Variants in GABBR1 observed in about 807,000 individuals in gnomAD.
The protein encoded by GABBR1 is GABA-B receptor, R1 subunit.
Under a neutral mutation model 117.7 loss-of-function variants are expected in GABBR1, and 35 were observed. The observed-to-expected ratio is 0.30, with a 90% CI of 0.23 to 0.39. The LOEUF is 0.39. Ranked by LOEUF, GABBR1 falls within the 10% of genes least tolerant of loss-of-function variation. The probability of loss-of-function intolerance (pLI) is 1.00; values close to 1 mark genes in which losing one functional copy is unlikely to be tolerated. For missense variants in GABBR1, 709 were observed against 1,241.8 expected, an observed-to-expected ratio of 0.57 and a Z score of 6.45; for synonymous variants, 442 against 486.6, an observed-to-expected ratio of 0.91 and a Z score of 1.21.
chr6:29,613,587 G>T lies in GABBR1; in HGVS notation c.1324-102C>A. On this transcript the variant is annotated intron_variant, in intron 11 of 22. Transcript: ENST00000377034. This position sits in a 1 kb window ranked among gnomAD's most constrained non-coding sequence, Gnocchi z 4.1. Reference sequence around the variant, plus strand: ...TCAATCACTTCTACTTGAATGGATGGTTTGTGTTACTGTTGTCAGATTGGA... The same window carrying T: ...TCAATCACTTCTACTTGAATGGATGTTTTGTGTTACTGTTGTCAGATTGGA... 7.2e-7 allele frequency: 1 copy of T among 1,397,036 alleles called. No individual in the cohort carries two copies. Among genetic ancestry groups the T allele is most frequent in the Non-Finnish European group, 9.8e-7 (1 of 1,017,548 alleles). 86.5% of individuals were successfully genotyped at this position (1,397,036 alleles called of 1,614,324 possible).
intron 6 of GABBR1, among the ~76,000 whole-genome samples, chr6:29,624,716 C>T (rs2127438083): frequency 6.6e-6 from 1 of 152,034 alleles, no homozygotes; most frequent in South Asian, 2.1e-4. Flanking sequence ...TCTCAAGAAA[C>T]CAGACAATTT....
rs1339238636 is a variant in GABBR1, at chr6:29,621,746, C to T, written c.1131+6G>A. On this transcript the variant is annotated splice_donor_region_variant and intron_variant, in intron 10 of 22. Coordinates refer to ENST00000377034, the MANE Select transcript of GABBR1 (RefSeq NM_001470.4). This position sits in a 1 kb window ranked among gnomAD's most constrained non-coding sequence, Gnocchi z 5.0. ...AGTGCCCCTCCCTCTTCAGATCCAA[C>T]TCCACCTCACAAAAAACTTTCCGGG... 6.2e-7 allele frequency: 1 copy of T among 1,613,320 alleles called. No homozygotes were observed. Among genetic ancestry groups the T allele is most frequent in the Non-Finnish European group, 8.5e-7 (1 of 1,179,372 alleles).
Position 29,604,640 on chromosome 6 carries a change from G to A in GABBR1, c.2569-3C>T. 6.2e-7 allele frequency: 1 copy of A among 1,613,220 alleles called. No homozygotes were observed. Among genetic ancestry groups the A allele is most frequent in the Non-Finnish European group, 8.5e-7 (1 of 1,180,036 alleles). On this transcript the variant is annotated splice_polypyrimidine_tract_variant and splice_region_variant and intron_variant, in intron 21 of 22. Coordinates refer to ENST00000377034, the MANE Select transcript of GABBR1 (RefSeq NM_001470.4). The surrounding 1 kb of genome is among the most constrained non-coding windows in gnomAD (Gnocchi z 5.3). ...CCTCGGGTGATCAGCCTGCGCATCTGGGGGCAAATGTTTGGGCGTGGGGTG... is the reference window on the plus strand; with the variant it reads ...CCTCGGGTGATCAGCCTGCGCATCTAGGGGCAAATGTTTGGGCGTGGGGTG...
chr6:29,608,721 G>A lies in GABBR1; in HGVS notation c.1872C>T (p.Asn624=), dbSNP rs1762218193. Residue 624 remains asparagine (N), a synonymous_variant, in exon 16 of 23, where the codon AAC becomes AAT. Coordinates refer to ENST00000377034, the MANE Select transcript of GABBR1 (RefSeq NM_001470.4). ...TCAGGTTGTTCAGGTTGGGCTGTGAGTTCTGGATATAACTAGGGCAGAGGT... is the reference window on the plus strand; with the variant it reads ...TCAGGTTGTTCAGGTTGGGCTGTGAATTCTGGATATAACTAGGGCAGAGGT... The part of the protein sequence containing the change: ...IYNSHVRYIQ[N]SQPNLNNLTA... 6.2e-7 allele frequency: 1 copy of A among 1,613,044 alleles called. No homozygotes were observed. Among genetic ancestry groups the A allele is most frequent in the Non-Finnish European group, 8.5e-7 (1 of 1,180,010 alleles).
At chr6:29,612,508 A>C in intron 13 of GABBR1, 43 bp downstream of exon 13, 1 of 1,570,308 alleles carries the variant, frequency 6.4e-7, no homozygotes, top group Non-Finnish European at 8.8e-7. Context: ...GCCCAGCCCC[A>C]GCCTAGCCCC....
rs147560335 is a variant in GABBR1 at position 29,603,587 on chromosome 6, G to T, written c.2842C>A (p.Arg948=). The T allele has an allele frequency of 2.1e-5, 34 of 1,591,630 alleles. No homozygotes were observed. Among genetic ancestry groups the T allele is most frequent in the Middle Eastern group, 1.7e-4 (1 of 5,980 alleles). Residue 948 remains arginine (R), a synonymous_variant, in exon 23 of 23, where the codon CGG becomes AGG. Coordinates refer to ENST00000377034, the MANE Select transcript of GABBR1 (RefSeq NM_001470.4). ...LPRGPPEPPD[R]LSCDGSRVHL... Reference sequence around the variant, plus strand: ...ACTCGACTCCCATCACAGCTAAGCCGGTCGGGGGGCTCAGGGGGTCCCCTG... The same window carrying T: ...ACTCGACTCCCATCACAGCTAAGCCTGTCGGGGGGCTCAGGGGGTCCCCTG...
intron 11 of GABBR1, among the ~76,000 whole-genome samples, chr6:29,614,781 A>G (rs1164546464): frequency 2.6e-5 from 4 of 152,198 alleles, no homozygotes; most frequent in African/African-American, 7.2e-5. Context: ...CCAAACCCAT[A>G]GAATATATAA....
rs1316713124 is a variant in GABBR1 at position 29,606,910 on chromosome 6, T to C, written c.2204A>G (p.His735Arg). The C allele has an allele frequency of 6.2e-7, 1 of 1,614,038 alleles. No individual in the cohort carries two copies. Among genetic ancestry groups the C allele is most frequent in the Admixed American group, 1.7e-5 (1 of 60,028 alleles). Reference sequence around the variant, plus strand: ...CTCCAGTGGTACCTCAATGGTCCGGTGCAGAGGGTCCACGATCTGCCAGAT... The same window carrying C: ...CTCCAGTGGTACCTCAATGGTCCGGCGCAGAGGGTCCACGATCTGCCAGAT... ...LAIWQIVDPL[H>R]RTIETFAKEE... The change falls in exon 18 of 23, where the codon CAC becomes CGC. Residue 735 changes from histidine to arginine, a missense_variant. Physicochemically the swap from His to Arg is conservative, Grantham distance 29. Coordinates refer to ENST00000377034, the MANE Select transcript of GABBR1 (RefSeq NM_001470.4). This position sits in a 1 kb window ranked among gnomAD's most constrained non-coding sequence, Gnocchi z 4.5.
At position 29,613,522 on chromosome 6, in the gene GABBR1, G is replaced by C. The variant is rs779987512; in HGVS notation, c.1324-37C>G. On this transcript the variant is annotated intron_variant, in intron 11 of 22. Coordinates refer to ENST00000377034, the MANE Select transcript of GABBR1 (RefSeq NM_001470.4). The surrounding 1 kb of genome is among the most constrained non-coding windows in gnomAD (Gnocchi z 4.1). Reference sequence around the variant, plus strand: ...AAAATCATGAGGAAAGAACTGAAATGTGTGTGGGTGTGGGGGAAGGGGTGC... The same window carrying C: ...AAAATCATGAGGAAAGAACTGAAATCTGTGTGGGTGTGGGGGAAGGGGTGC... The C allele has an allele frequency of 1.1e-5, 18 of 1,599,310 alleles. No homozygotes were observed. The highest frequency in any genetic ancestry group is 1.5e-5 in the Non-Finnish European group (18 of 1,170,876).
rs554047054 is a variant in GABBR1, at chr6:29,615,085, A to C, written c.1324-1600T>G. 2.0e-5 allele frequency among the ~76,000 whole-genome samples: 3 copies of C among 151,734 alleles called. No homozygotes were observed. The South Asian group carries it at 6.3e-4, about 32-fold the overall frequency. The stretch of plus-strand genomic sequence containing the variant: ...CAGACTGCCTGAGCTCAGGAGTTAA[A>C]GACCAGCTGGGCAACATGGTGAAAC... On this transcript the variant is annotated intron_variant, in intron 11 of 22. Coordinates refer to ENST00000377034, the MANE Select transcript of GABBR1 (RefSeq NM_001470.4).
chr6:29,630,647 T>G lies in GABBR1; in HGVS notation c.290-4A>C. On this transcript the variant is annotated splice_region_variant and splice_polypyrimidine_tract_variant and intron_variant, in intron 3 of 22. Coordinates refer to ENST00000377034, the MANE Select transcript of GABBR1 (RefSeq NM_001470.4). The surrounding 1 kb of genome is among the most constrained non-coding windows in gnomAD (Gnocchi z 4.9). ...TAAGACTTGGAGCAGATTCGGACTG[T>G]GGAGAGATAGGAAAATAAGAAGAGA... 6.3e-7 allele frequency: 1 copy of G among 1,599,482 alleles called. No homozygotes were observed. Among genetic ancestry groups the G allele is most frequent in the East Asian group, 2.2e-5 (1 of 44,514 alleles).
Position 29,602,926 on chromosome 6 carries a change from C to A in GABBR1, c.*617G>T. 2.3e-6 allele frequency: 1 copy of A among 441,792 alleles called. No individual in the cohort carries two copies. Among genetic ancestry groups the A allele is most frequent in the Non-Finnish European group, 4.5e-6 (1 of 220,520 alleles). The allele number at this position is 441,792 out of a possible 1,614,324, so 27.4% of individuals were successfully genotyped here. A position where few individuals can be genotyped will look rare whatever the true frequency, so the allele number is the denominator to read the frequency against. On this transcript the variant is annotated 3_prime_UTR_variant, in exon 23 of 23. Transcript: ENST00000377034. Reference sequence around the variant, plus strand: ...TGTACACATGAGCATGTTCAGTGGGCACACGCAGGAGAGGGGAGGATGCAT... The same window carrying A: ...TGTACACATGAGCATGTTCAGTGGGAACACGCAGGAGAGGGGAGGATGCAT...
Position 29,630,727 on chromosome 6 carries a change from T to G in GABBR1, c.290-84A>C. On this transcript the variant is annotated intron_variant, in intron 3 of 22. Coordinates refer to ENST00000377034, the MANE Select transcript of GABBR1 (RefSeq NM_001470.4). This position sits in a 1 kb window ranked among gnomAD's most constrained non-coding sequence, Gnocchi z 4.9. ...AAGAGCAGGGGACTCAGGTGCAGGT[T>G]TGGGTCCACAAGCATCCTGCTCTAA... 62 of 1,196,876 alleles carry G rather than the reference T, an allele frequency of 5.2e-5. No individual in the cohort carries two copies. Among genetic ancestry groups the G allele is most frequent in the Non-Finnish European group, 6.9e-5 (58 of 845,640 alleles). The allele number at this position is 1,196,876 out of a possible 1,614,324, so 74.1% of individuals were successfully genotyped here. A position where few individuals can be genotyped will look rare whatever the true frequency, so the allele number is the denominator to read the frequency against.
rs533956847 is a variant in GABBR1, at chr6:29,632,027, T to A, written c.85+274A>T. Reference sequence around the variant, plus strand: ...GACCAAGAAAAGGGAGTAATTGAGGTAGTAATGTGGGGCTGGGAAAGGGGA... The same window carrying A: ...GACCAAGAAAAGGGAGTAATTGAGGAAGTAATGTGGGGCTGGGAAAGGGGA... On this transcript the variant is annotated intron_variant, in intron 2 of 22. Transcript: ENST00000377034. The surrounding 1 kb of genome is among the most constrained non-coding windows in gnomAD (Gnocchi z 5.8). Among the ~76,000 whole-genome samples the A allele has an allele frequency of 1.4e-5, 2 of 146,264 alleles. No individual in the cohort carries two copies. Among genetic ancestry groups the A allele is most frequent in the Admixed American group, 1.4e-4 (2 of 14,716 alleles).
At chr6:29,628,490 C>T (rs985114584) in intron 5 of GABBR1, among the ~76,000 whole-genome samples, 2 of 151,414 alleles carry the variant, frequency 1.3e-5, no homozygotes, top group Non-Finnish European at 2.9e-5. Context: ...GAGTTGGGTA[C>T]GGAAGGGAGG....
At chr6:29,610,501 T>C (rs939244253) in intron 14 of GABBR1, among the ~76,000 whole-genome samples, 3 of 152,288 alleles carry the variant, frequency 2.0e-5, no homozygotes, top group Admixed American at 2.0e-4. Flanking sequence ...GACAATTACA[T>C]GAGGTTTTCC....
chr6:29,605,925 T>C lies in GABBR1; in HGVS notation c.2312-229A>G. ...TGGGATTCACACAGGAAAGCAATGG[T>C]GGCAAGCTGCTGTCAGTCAGGCAAG... is the stretch of plus-strand genomic sequence containing the variant. On this transcript the variant is annotated intron_variant, in intron 19 of 22. Transcript: ENST00000377034. The surrounding 1 kb of genome is among the most constrained non-coding windows in gnomAD (Gnocchi z 4.2). The C allele has an allele frequency of 1.7e-6, 1 of 584,998 alleles. No homozygotes were observed. The highest frequency in any genetic ancestry group is 2.1e-5 in the South Asian group (1 of 47,446). 36.2% of individuals were successfully genotyped at this position (584,998 alleles called of 1,614,324 possible). A position where few individuals can be genotyped will look rare whatever the true frequency, so the allele number is the denominator to read the frequency against.
Position 29,627,680 on chromosome 6 carries a change from G to A in GABBR1, c.497-34C>T, listed in dbSNP as rs1764449820. Reference sequence around the variant, plus strand: ...GGGTGCGGGGGGACCCGCGAGTGAGGCCGCGGGAGATGGGGGGAGTGGGAG... The same window carrying A: ...GGGTGCGGGGGGACCCGCGAGTGAGACCGCGGGAGATGGGGGGAGTGGGAG... On this transcript the variant is annotated intron_variant, in intron 5 of 22. Transcript: ENST00000377034. This position sits in a 1 kb window ranked among gnomAD's most constrained non-coding sequence, Gnocchi z 4.4. The A allele has an allele frequency of 6.5e-7, 1 of 1,535,148 alleles. No homozygotes were observed. Among genetic ancestry groups the A allele is most frequent in the Non-Finnish European group, 8.7e-7 (1 of 1,145,820 alleles).
rs1333241631 is a variant in GABBR1 at position 29,613,655 on chromosome 6, C to G, written c.1324-170G>C. Among the ~76,000 whole-genome samples the G allele has an allele frequency of 6.6e-6, 1 of 152,204 alleles. No homozygotes were observed. The highest frequency in any genetic ancestry group is 1.5e-5 in the Non-Finnish European group (1 of 68,038). The stretch of plus-strand genomic sequence containing the variant: ...TCTTTAACTATACCCATGTGTCTGC[C>G]TTAGATCGGAAGCTACTAGACTAGA... On this transcript the variant is annotated intron_variant, in intron 11 of 22. Coordinates refer to ENST00000377034, the MANE Select transcript of GABBR1 (RefSeq NM_001470.4). This position sits in a 1 kb window ranked among gnomAD's most constrained non-coding sequence, Gnocchi z 4.1.
Sources: gnomAD v4.1 joint callset for allele counts (sites outside exome capture counted in the v4.1 genomes callset) on GRCh38, gnomAD v4.1.1 for gene constraint, Gnocchi (gnomAD v3.1) non-coding constraint, MANE v1.5 for transcripts, NCBI Gene and HGNC (gene_info 2026-07-23, HGNC 2026-07-21) for gene names.